Variants in TRPM1 observed in about 807,000 individuals in gnomAD.
TRPM1 encodes transient receptor potential cation channel subfamily M member 1, also known as TRPM1-203 APA Isoform, Intron 10.
Under a neutral mutation model 149.4 loss-of-function variants are expected in TRPM1, and 113 were observed. The ratio of observed to expected loss-of-function variants is 0.76; its 90% CI spans 0.65 to 0.88. The LOEUF is 0.88. Among genes scored for constraint, TRPM1 ranks in the 40% least tolerant of loss-of-function variants. TRPM1 has a pLI of 0.00. For missense variants in TRPM1, 1,976 were observed against 2,038.7 expected (o/e 0.97, Z 0.59); for synonymous variants, 741 against 759.5 (o/e 0.98, Z 0.40).
chr15:31,046,039 A>T (rs1218956992), intron 16 of TRPM1, among the ~76,000 whole-genome samples, 165 bp downstream of exon 16: 6 of 152,186 alleles, frequency 3.9e-5, no homozygotes, highest in African/African-American at 1.4e-4. Context: ...TGCAGCTTTT[A>T]TCCCCATTAA....
At chr15:31,127,615 C>T (rs531573985) in intron 1 of TRPM1, among the ~76,000 whole-genome samples, 1 of 152,190 alleles carries the variant, frequency 6.6e-6, no homozygotes. Context: ...TGACCTCACA[C>T]AGCTTCCTCA....
chr15:31,022,703 A>G (rs2032590001), intron 27 of TRPM1, among the ~76,000 whole-genome samples: 1 of 152,202 alleles, frequency 6.6e-6, no homozygotes, highest in Admixed American at 6.5e-5. Flanking sequence ...GAGGGAACTC[A>G]TTAAGGATGG....
At chr15:31,045,680 A>T (rs1218561556) in intron 16 of TRPM1, among the ~76,000 whole-genome samples, 1 of 152,232 alleles carries the variant, frequency 6.6e-6, no homozygotes, top group Non-Finnish European at 1.5e-5. Flanking sequence ...GTGTATTTTA[A>T]TCATTCCAAG....
intron 3 of TRPM1, among the ~76,000 whole-genome samples, chr15:31,071,461 C>T (rs913346961): frequency 2.0e-5 from 3 of 152,112 alleles, no homozygotes; most frequent in Admixed American, 2.0e-4. Flanking sequence ...TTTCTGTGCT[C>T]CCATGGGGCC....
intron 27 of TRPM1, among the ~76,000 whole-genome samples, chr15:31,007,690 AACAAC>A (rs1485260533): frequency 6.7e-6 from 1 of 148,250 alleles, no homozygotes; most frequent in East Asian, 1.9e-4. Flanking sequence ...CAACAACAAC[AACAAC>A]AGTTGACCTA....
chr15:31,105,435 CTGTGTGTGTGTGTGTGTGTGTG>C (rs10525947), upstream of TRPM1, among the ~76,000 whole-genome samples: 28 of 148,660 alleles, frequency 1.9e-4, no homozygotes, highest in African/African-American at 2.3e-4. Context: ...CTGTGTGTCT[CTGTGTGTGTGTGTGTGTGTGTG>C]TGTGTGTGTG....
At chr15:31,025,428 A>G (rs1298260176) in intron 27 of TRPM1, among the ~76,000 whole-genome samples, 1 of 152,182 alleles carries the variant, frequency 6.6e-6, no homozygotes, top group Non-Finnish European at 1.5e-5. Context: ...CGAAGTTTGG[A>G]AAATGTCACC....
At chr15:31,015,484 A>G (rs1287169217) in intron 27 of TRPM1, among the ~76,000 whole-genome samples, 2 of 152,270 alleles carry the variant, frequency 1.3e-5, no homozygotes, top group South Asian at 2.1e-4. Flanking sequence ...AAGCTGATAA[A>G]GCAAAAAATG....
chr15:31,035,157 A>G (rs1235527834), intron 21 of TRPM1, among the ~76,000 whole-genome samples: 3 of 152,176 alleles, frequency 2.0e-5, no homozygotes, highest in African/African-American at 7.2e-5. Context: ...GGCAACTGCC[A>G]CACGACCGGC....
At chr15:31,121,076 A>G (rs1205016981) in intron 1 of TRPM1, among the ~76,000 whole-genome samples, 1 of 151,992 alleles carries the variant, frequency 6.6e-6, no homozygotes, top group Non-Finnish European at 1.5e-5. Context: ...AAAACACAAA[A>G]TTTAGCCAGG....
At chr15:31,025,671 C>T (rs2032702888) in intron 27 of TRPM1, among the ~76,000 whole-genome samples, 1 of 150,856 alleles carries the variant, frequency 6.6e-6, no homozygotes, top group Non-Finnish European at 1.5e-5. Context: ...AGTTCCCACT[C>T]TCAGGGGAGC....
Position 31,088,799 on chromosome 15 carries a change from T to G in TRPM1, c.-83-7361A>C, listed in dbSNP as rs1299585699. Among the ~76,000 whole-genome samples, 17 of 93,370 alleles carry G rather than the reference T, an allele frequency of 1.8e-4. No individual in the cohort carries two copies. The South Asian group carries it at 3.3e-3, about 18-fold the overall frequency. The allele number at this position is 93,370 out of a possible 152,430, so 61.3% of individuals were successfully genotyped here. A position where few individuals can be genotyped will look rare whatever the true frequency, so the allele number is the denominator to read the frequency against. ...GTATCAAACACCTGAACGTTCTTTC[T>G]GCTGGGGGGATGCGTCAGAGGAGGC... On this transcript the variant is annotated intron_variant, in intron 1 of 27. Transcript: ENST00000256552.
At chr15:31,095,225 A>C (rs1218330789) in intron 1 of TRPM1, among the ~76,000 whole-genome samples, 1 of 152,158 alleles carries the variant, frequency 6.6e-6, no homozygotes, top group African/African-American at 2.4e-5. Flanking sequence ...AGGGAGAGGA[A>C]ATGGGGAGGA....
chr15:31,126,766 C>G (rs1021982160), intron 1 of TRPM1, among the ~76,000 whole-genome samples: 2 of 152,090 alleles, frequency 1.3e-5, no homozygotes, highest in Admixed American at 1.3e-4. Flanking sequence ...GAGTTCGAGA[C>G]CAGCCTGGCC....
chr15:31,051,163 T>C (rs1002013935), intron 11 of TRPM1, among the ~76,000 whole-genome samples: 12 of 152,056 alleles, frequency 7.9e-5, no homozygotes, highest in African/African-American at 2.9e-4. Flanking sequence ...GGGGAGTGTG[T>C]GCTCTACTCC....
chr15:31,004,436 GTTTT>G (rs61563077), intron 27 of TRPM1, among the ~76,000 whole-genome samples: 12 of 147,850 alleles, frequency 8.1e-5, no homozygotes, highest in African/African-American at 2.5e-4. Flanking sequence ...ACCTCCCAGA[GTTTT>G]TTTTTTGCTA....
chr15:31,013,728 G>A (rs1262008350), intron 27 of TRPM1, among the ~76,000 whole-genome samples: 3 of 152,148 alleles, frequency 2.0e-5, no homozygotes, highest in East Asian at 3.8e-4. Flanking sequence ...TTTGTTTAGT[G>A]TAGTTGTTGT....
intron 24 of TRPM1, among the ~76,000 whole-genome samples, 193 bp from the exon 25 acceptor site, chr15:31,028,669 G>T (rs1361043215): frequency 2.6e-5 from 4 of 151,484 alleles, no homozygotes; most frequent in Admixed American, 6.6e-5. Flanking sequence ...GGAGAATGGC[G>T]TGAACCCGGG....
chr15:31,001,810 A>G lies in TRPM1; in HGVS notation c.*12T>C, dbSNP rs761649201. ...TGACTGTTAAAAAAAAAAATTAAAGAAACAAAACAGACTAGCATTCAGTTT... is the reference window on the plus strand; with the variant it reads ...TGACTGTTAAAAAAAAAAATTAAAGGAACAAAACAGACTAGCATTCAGTTT... On this transcript the variant is annotated 3_prime_UTR_variant, in exon 28 of 28. Transcript: ENST00000256552. 5.6e-6 allele frequency: 9 copies of G among 1,606,148 alleles called. No homozygotes were observed. The highest frequency in any genetic ancestry group is 6.8e-6 in the Non-Finnish European group (8 of 1,179,194).
Sources: allele counts gnomAD v4.1 joint callset (sites outside exome capture counted in the v4.1 genomes callset), GRCh38; gene constraint gnomAD v4.1.1; transcripts MANE v1.5; gene names NCBI Gene and HGNC (gene_info 2026-07-23, HGNC 2026-07-21).